HAS3: variants seen among roughly 807,000 people sequenced by gnomAD.
HAS3 encodes the protein hyaluronan synthase 3, also known as HA synthase 3.
Under a neutral mutation model 50.3 loss-of-function variants are expected in HAS3, and 27 were observed. The observed-to-expected ratio is 0.54, with a 90% CI of 0.40 to 0.74. The LOEUF (loss-of-function observed/expected upper bound fraction) is 0.74, where lower values mean the gene tolerates loss of function less well. HAS3 is among the 30% of genes least tolerant of loss of function. The pLI, the probability that HAS3 is intolerant of heterozygous loss-of-function variation, is 0.00. For synonymous variants in HAS3, 339 were observed against 310.9 expected (o/e 1.09, Z -0.95); for missense variants, 517 against 742.8 (o/e 0.70, Z 3.53).
At position 69,107,483 on chromosome 16, in the gene HAS3, G is replaced by T; in HGVS notation, c.-1+1696G>T. 1.0e-6 allele frequency: 1 copy of T among 985,684 alleles called. No homozygotes were observed. The highest frequency in any genetic ancestry group is 1.2e-6 in the Non-Finnish European group (1 of 830,120). 61.1% of individuals were successfully genotyped at this position (985,684 alleles called of 1,614,324 possible). On this transcript the variant is annotated intron_variant, in intron 1 of 3. Coordinates refer to ENST00000569188, the MANE Select transcript of HAS3 (RefSeq NM_001199280.2). The surrounding 1 kb of genome is among the most constrained non-coding windows in gnomAD (Gnocchi z 5.5). ...GGTCGTGGGAAAGCGGCACGTGGGT[G>T]TGGCCGGCGCCGCCTTTGCCAAGAG...
Position 69,115,407 on chromosome 16 carries a change from G to C in HAS3, c.*141G>C. 2 of 1,387,370 alleles carry C rather than the reference G, an allele frequency of 1.4e-6. No individual in the cohort carries two copies. Among genetic ancestry groups the C allele is most frequent in the Non-Finnish European group, 1.9e-6 (2 of 1,075,304 alleles). 85.9% of individuals were successfully genotyped at this position (1,387,370 alleles called of 1,614,324 possible). ...CCAAAGGACAAATCTAAAATGCAAA[G>C]AACGGTGATGTAGTATGGCCTGACA... On this transcript the variant is annotated 3_prime_UTR_variant, in exon 4 of 4. Coordinates refer to ENST00000569188, the MANE Select transcript of HAS3 (RefSeq NM_001199280.2).
At position 69,106,421 on chromosome 16, in the gene HAS3, C is replaced by G. The variant is rs1428870333; in HGVS notation, c.-1+634C>G. 1.3e-5 allele frequency: 2 copies of G among 149,242 alleles called. No homozygotes were observed. Among genetic ancestry groups the G allele is most frequent in the African/African-American group, 4.9e-5 (2 of 41,100 alleles). The allele number at this position is 149,242 out of a possible 1,614,324, so 9.2% of individuals were successfully genotyped here. A position where few individuals can be genotyped will look rare whatever the true frequency, so the allele number is the denominator to read the frequency against. ...GGTGCCTCTCGCCGAGCCCCCCGCA[C>G]CCGGCCAGCTCCCAGCCCTGCGGGC... On this transcript the variant is annotated intron_variant, in intron 1 of 3. Coordinates refer to ENST00000569188, the MANE Select transcript of HAS3 (RefSeq NM_001199280.2). The surrounding 1 kb of genome is among the most constrained non-coding windows in gnomAD (Gnocchi z 5.5).
the HAS3 span, among the ~76,000 whole-genome samples, chr16:69,094,440 C>CCA: frequency 6.6e-6 from 1 of 152,158 alleles, no homozygotes; most frequent in Admixed American, 6.6e-5. Flanking sequence ...AATAGGCTGT[C>CCA]TATGAAGAGA....
rs1032525424 is a variant in HAS3 at position 69,116,287 on chromosome 16, C to T, written c.*1021C>T. On this transcript the variant is annotated 3_prime_UTR_variant, in exon 4 of 4. Coordinates refer to ENST00000569188, the MANE Select transcript of HAS3 (RefSeq NM_001199280.2). ...AAGGTTTTCAAGGTGGCAATTGGGG[C>T]GGAGCCCCGGCTCTTATAGAAGCTT... 6.1e-6 allele frequency: 6 copies of T among 985,546 alleles called. No homozygotes were observed. The highest frequency in any genetic ancestry group is 1.1e-4 in the East Asian group (1 of 8,822). 61.1% of individuals were successfully genotyped at this position (985,546 alleles called of 1,614,324 possible).
chr16:69,116,299 T>C lies in HAS3; in HGVS notation c.*1033T>C, dbSNP rs1403990662. The stretch of plus-strand genomic sequence containing the variant: ...GTGGCAATTGGGGCGGAGCCCCGGC[T>C]CTTATAGAAGCTTCAGCAGGAGGCA... On this transcript the variant is annotated 3_prime_UTR_variant, in exon 4 of 4. Transcript: ENST00000569188. The C allele has an allele frequency of 6.1e-6, 6 of 985,712 alleles. No individual in the cohort carries two copies. The highest frequency in any genetic ancestry group is 7.2e-6 in the Non-Finnish European group (6 of 829,944). 61.1% of individuals were successfully genotyped at this position (985,712 alleles called of 1,614,324 possible). A position where few individuals can be genotyped will look rare whatever the true frequency, so the allele number is the denominator to read the frequency against.
Position 69,115,831 on chromosome 16 carries a change from C to T in HAS3, c.*565C>T, listed in dbSNP as rs1961161706. The T allele has an allele frequency of 2.0e-6, 2 of 985,756 alleles. No homozygotes were observed. The highest frequency in any genetic ancestry group is 2.4e-6 in the Non-Finnish European group (2 of 830,006). The allele number at this position is 985,756 out of a possible 1,614,324, so 61.1% of individuals were successfully genotyped here. A position where few individuals can be genotyped will look rare whatever the true frequency, so the allele number is the denominator to read the frequency against. On this transcript the variant is annotated 3_prime_UTR_variant, in exon 4 of 4. Transcript: ENST00000569188. ...CAGAAAACAGGGTCCAGGAATGGTG[C>T]TTTATGTGAGATACCCCACTCCACA... is the stretch of plus-strand genomic sequence containing the variant.
At chr16:69,100,991 C>T (rs569207242), upstream of HAS3, among the ~76,000 whole-genome samples, 17 of 152,328 alleles carry the variant, frequency 1.1e-4, no homozygotes, top group African/African-American at 1.4e-4. Flanking sequence ...CACTTCTCAT[C>T]GTGGCTTCTC....
At chr16:69,091,947 A>G in the HAS3 span, among the ~76,000 whole-genome samples, 2 of 152,210 alleles carry the variant, frequency 1.3e-5, no homozygotes, top group Non-Finnish European at 2.9e-5. Flanking sequence ...GTACGGGTTC[A>G]TCTGGAAAGC....
At chr16:69,103,381 AGAC>A (rs1960715905), upstream of HAS3, among the ~76,000 whole-genome samples, 2 of 152,210 alleles carry the variant, frequency 1.3e-5, no homozygotes, top group South Asian at 4.1e-4. Flanking sequence ...AATGCAAGAG[AGAC>A]AAGACATTTT....
At chr16:69,110,769 A>C (rs922665782) in intron 2 of HAS3, among the ~76,000 whole-genome samples, 1 of 152,212 alleles carries the variant, frequency 6.6e-6, no homozygotes, top group African/African-American at 2.4e-5. Context: ...CCTGTGATGC[A>C]GCACTGCCTC....
chr16:69,093,411 C>G, the HAS3 span, among the ~76,000 whole-genome samples: 1 of 151,752 alleles, frequency 6.6e-6, no homozygotes, highest in Non-Finnish European at 1.5e-5. Context: ...TGGGGTTTCA[C>G]CATGTTGGCC....
intron 2 of HAS3, among the ~76,000 whole-genome samples, chr16:69,111,935 C>T (rs1159794666): frequency 6.6e-6 from 1 of 152,254 alleles, no homozygotes; most frequent in Non-Finnish European, 1.5e-5. Flanking sequence ...GCTCACACAC[C>T]TGAGCTGTCT....
At chr16:69,090,649 C>A in the HAS3 span, among the ~76,000 whole-genome samples, 1 of 152,082 alleles carries the variant, frequency 6.6e-6, no homozygotes. Context: ...TTCACAGCAA[C>A]CTCTACCTCC....
the HAS3 span, among the ~76,000 whole-genome samples, chr16:69,095,453 G>A: frequency 2.0e-5 from 3 of 152,044 alleles, no homozygotes; most frequent in Non-Finnish European, 4.4e-5. Context: ...GTAAGTCTCC[G>A]CTGAGGAGAA....
chr16:69,112,211 G>C (rs556163000), intron 2 of HAS3, among the ~76,000 whole-genome samples: 2 of 152,262 alleles, frequency 1.3e-5, no homozygotes, highest in African/African-American at 2.4e-5. Context: ...GGGCAGGGAG[G>C]AGCAGTGAGA....
At chr16:69,110,165 A>G in intron 2 of HAS3, 134 bp downstream of exon 2, 1 of 910,928 alleles carries the variant, frequency 1.1e-6, no homozygotes, top group Non-Finnish European at 1.6e-6. Flanking sequence ...AGAAGGCAAC[A>G]AGGTGGCCGG....
In HAS3 at chr16:69,113,456, A is replaced by C; in HGVS notation, c.652A>C (p.Thr218Pro). ...VDYIQVCDSD[T>P]VLDPACTIEM... The stretch of plus-strand genomic sequence containing the variant: ...CCCTCTGCAGGTGTGCGACTCTGAC[A>C]CTGTGCTGGATCCAGCCTGCACCAT... The change falls in exon 3 of 4, where the codon ACT becomes CCT. Residue 218 changes from threonine to proline, a missense_variant. Physicochemically the swap from Thr to Pro is conservative, Grantham distance 38 (BLOSUM62 -1). Transcript: ENST00000569188. 1 of 1,613,418 alleles carries C rather than the reference A, an allele frequency of 6.2e-7. No homozygotes were observed. The highest frequency in any genetic ancestry group is 8.5e-7 in the Non-Finnish European group (1 of 1,179,494).
rs1168817466 is a variant in HAS3 at position 69,114,299 on chromosome 16, G to A, written c.739-44G>A. 23 of 1,541,612 alleles carry A rather than the reference G, an allele frequency of 1.5e-5. No individual in the cohort carries two copies. The highest frequency in any genetic ancestry group is 2.3e-5 in the East Asian group (1 of 44,350). ...TCGTGGTCTCTGATGTCTGTCCTCC[G>A]GACGTGCAACCTTAGGAGGCCCAGC... On this transcript the variant is annotated intron_variant, in intron 3 of 3. Transcript: ENST00000569188. This position sits in a 1 kb window ranked among gnomAD's most constrained non-coding sequence, Gnocchi z 6.4.
At chr16:69,087,999 C>T in the HAS3 span, among the ~76,000 whole-genome samples, 35 of 152,216 alleles carry the variant, frequency 2.3e-4, 1 homozygote, top group African/African-American at 7.2e-4. Context: ...CTACTGCACC[C>T]GGCCCTTGCT....
Sources: gnomAD v4.1 joint callset for allele counts (sites outside exome capture counted in the v4.1 genomes callset) on GRCh38, gnomAD v4.1.1 for gene constraint, Gnocchi (gnomAD v3.1) non-coding constraint, MANE v1.5 for transcripts, NCBI Gene and HGNC (gene_info 2026-07-23, HGNC 2026-07-21) for gene names.